Variants in CPS1 observed in about 807,000 individuals in gnomAD.
CPS1 encodes carbamoyl-phosphate synthase 1, also known as carbamoyl-phosphate synthase [ammonia], mitochondrial.
In CPS1, 109 loss-of-function variants were observed where a neutral mutation model predicts 174.6. The ratio of observed to expected loss-of-function variants is 0.62; its 90% CI spans 0.53 to 0.73. The LOEUF (loss-of-function observed/expected upper bound fraction) is 0.73, where lower values mean the gene tolerates loss of function less well. CPS1 is among the 30% of genes least tolerant of loss of function. The probability of loss-of-function intolerance (pLI) is 0.00; values close to 1 mark genes in which losing one functional copy is unlikely to be tolerated. For missense variants in CPS1, 1,689 were observed against 1,821.9 expected, an observed-to-expected ratio of 0.93 and a Z score of 1.33; for synonymous variants, 637 against 632.0, an observed-to-expected ratio of 1.01 and a Z score of -0.12.
intron 1 of CPS1, among the ~76,000 whole-genome samples, chr2:210,549,894 A>G (rs1261990483): frequency 6.6e-6 from 1 of 152,030 alleles, no homozygotes; most frequent in Non-Finnish European, 1.5e-5. Context: ...GAAATCCTAG[A>G]TTTGATTTCT....
At chr2:210,533,844 A>G (rs1395143343) in intron 1 of CPS1, among the ~76,000 whole-genome samples, 1 of 152,216 alleles carries the variant, frequency 6.6e-6, no homozygotes, top group Non-Finnish European at 1.5e-5. Context: ...TCAAATGATC[A>G]TTCATAAACA....
chr2:210,582,851 A>G (rs1574551853), intron 6 of CPS1, 142 bp downstream of exon 6: 1 of 693,464 alleles, frequency 1.4e-6, no homozygotes, highest in East Asian at 2.7e-5. Flanking sequence ...TAGCAGCTAA[A>G]ATACACCTTA....
chr2:210,641,571 G>C (rs576867023), intron 24 of CPS1, among the ~76,000 whole-genome samples: 1 of 152,276 alleles, frequency 6.6e-6, no homozygotes, highest in African/African-American at 2.4e-5. Flanking sequence ...TTCAGGCCAT[G>C]GCAGTTATCT....
intron 1 of CPS1, among the ~76,000 whole-genome samples, chr2:210,518,713 G>A (rs1252298189): frequency 6.6e-6 from 1 of 151,814 alleles, no homozygotes; most frequent in African/African-American, 2.4e-5. Flanking sequence ...ATTAAGCTTC[G>A]GCTATTTTTT....
At chr2:210,493,700 T>C (rs1449059830) in intron 1 of CPS1, among the ~76,000 whole-genome samples, 1 of 152,214 alleles carries the variant, frequency 6.6e-6, no homozygotes, top group Non-Finnish European at 1.5e-5. Flanking sequence ...TATTTATAAG[T>C]CAGTTGTAAG....
At chr2:210,562,163 T>C (rs1697123743) in intron 1 of CPS1, among the ~76,000 whole-genome samples, 1 of 152,216 alleles carries the variant, frequency 6.6e-6, no homozygotes. Flanking sequence ...TTATTTACAA[T>C]GAGAAACCTT....
intron 1 of CPS1, among the ~76,000 whole-genome samples, chr2:210,571,088 C>A (rs1697464466): frequency 1.3e-5 from 2 of 151,902 alleles, no homozygotes; most frequent in Admixed American, 1.3e-4. Flanking sequence ...AGAATTCAGA[C>A]TTCTGTATTA....
chr2:210,543,614 G>C (rs1448379977), intron 1 of CPS1, among the ~76,000 whole-genome samples: 2 of 152,000 alleles, frequency 1.3e-5, no homozygotes, highest in Non-Finnish European at 1.5e-5. Context: ...TATTCCTGCA[G>C]AGTTTGTAAT....
At chr2:210,565,835 A>C (rs1697283242) in intron 1 of CPS1, among the ~76,000 whole-genome samples, 1 of 152,184 alleles carries the variant, frequency 6.6e-6, no homozygotes, top group African/African-American at 2.4e-5. Context: ...AAGGACTTTG[A>C]CTGATCATTT....
In CPS1 at chr2:210,663,137, C is replaced by T; in HGVS notation, c.3942C>T (p.Ser1314=). ...TTTTCCAACAGGCTCCCATGTTTTC[C>T]TGGCCCCGGTTGAGGGATGCTGACC... The part of the protein sequence containing the change: ...DYVAIKAPMF[S]WPRLRDADPI... Residue 1314 remains serine, a synonymous_variant, in exon 33 of 38, where the codon TCC becomes TCT. Coordinates refer to ENST00000233072, the MANE Select transcript of CPS1 (RefSeq NM_001875.5). 2 of 1,612,782 alleles carry T rather than the reference C, an allele frequency of 1.2e-6. No individual in the cohort carries two copies. The highest frequency in any genetic ancestry group is 1.7e-5 in the Admixed American group (1 of 59,898).
chr2:210,545,929 G>A (rs561928202), intron 1 of CPS1, among the ~76,000 whole-genome samples: 1 of 152,042 alleles, frequency 6.6e-6, no homozygotes, highest in Non-Finnish European at 1.5e-5. Flanking sequence ...GCATTAATAG[G>A]TGATCACATT....
intron 24 of CPS1, 105 bp downstream of exon 24, chr2:210,640,164 AAT>A: frequency 1.2e-6 from 1 of 816,702 alleles, no homozygotes. Context: ...TAAATGCTGT[AAT>A]ATATGTTTTG....
At chr2:210,503,811 A>G (rs1176795433) in intron 1 of CPS1, among the ~76,000 whole-genome samples, 1 of 151,730 alleles carries the variant, frequency 6.6e-6, no homozygotes, top group African/African-American at 2.4e-5. Context: ...TTTATGCCGT[A>G]TCAGGGAAAA....
At chr2:210,556,523 AT>A (rs2106036691), upstream of CPS1, 1 of 1,439,966 alleles carries the variant, frequency 6.9e-7, no homozygotes, top group East Asian at 2.6e-5. Flanking sequence ...ATCTCTGGAC[AT>A]TACCTCAGGA....
chr2:210,508,556 C>T (rs977679945), intron 1 of CPS1, among the ~76,000 whole-genome samples: 1 of 152,008 alleles, frequency 6.6e-6, no homozygotes, highest in Non-Finnish European at 1.5e-5. Context: ...AATAGAGACA[C>T]AAAAAACCCT....
At chr2:210,518,082 T>C (rs1695728669) in intron 1 of CPS1, among the ~76,000 whole-genome samples, 2 of 152,032 alleles carry the variant, frequency 1.3e-5, no homozygotes, top group Non-Finnish European at 2.9e-5. Flanking sequence ...TATGGTTCTC[T>C]ATAGTCATGA....
intron 1 of CPS1, 26 bp from the exon 2 acceptor site, chr2:210,573,272 T>C: frequency 1.9e-6 from 3 of 1,575,042 alleles, no homozygotes; most frequent in East Asian, 4.5e-5. Flanking sequence ...TGTATTCTGC[T>C]AAGATTCATG....
At position 210,654,065 on chromosome 2, in the gene CPS1, G is replaced by A. The variant is rs553145464; in HGVS notation, c.3521G>A (p.Arg1174Gln). 7.4e-6 allele frequency: 12 copies of A among 1,613,996 alleles called. No homozygotes were observed. The highest frequency in any genetic ancestry group is 3.3e-5 in the South Asian group (3 of 91,082). The stretch of plus-strand genomic sequence containing the variant: ...CTGACAAAATTTGTTGAAGGGGCCC[G>A]AGAAGTAGAAATGGACGCTGTTGGC... ...VVLTKFVEGA[R>Q]EVEMDAVGKD... Residue 1174 changes from arginine (R) to glutamine (Q), a missense_variant, in exon 29 of 38, where the codon CGA (arginine) becomes CAA (glutamine). By Grantham distance (43) the Arg-to-Gln change is conservative. Transcript: ENST00000233072.
intron 4 of CPS1, 57 bp from the exon 5 acceptor site, chr2:210,579,657 A>G (rs1697843265): frequency 7.2e-7 from 1 of 1,393,880 alleles, no homozygotes; most frequent in African/African-American, 1.4e-5. Context: ...ACTTGAAAAC[A>G]ATATGCTGGA....
Sources: gnomAD v4.1 joint callset for allele counts (sites outside exome capture counted in the v4.1 genomes callset) on GRCh38, gnomAD v4.1.1 for gene constraint, MANE v1.5 for transcripts, NCBI Gene and HGNC (gene_info 2026-07-23, HGNC 2026-07-21) for gene names.